The following NYNRIN variants were observed in gnomAD, a reference collection of about 807,000 sequenced individuals.
NYNRIN encodes NYN domain and retroviral integrase containing.
NYNRIN carries 86 observed loss-of-function variants against 146.6 expected under a neutral mutation model. The observed-to-expected ratio is 0.59, with a 90% confidence interval of 0.49 to 0.70. The LOEUF is 0.70. NYNRIN is among the 30% of genes least tolerant of loss of function. NYNRIN has a pLI of 0.00. For synonymous variants in NYNRIN, 1,027 were observed against 1,001.3 expected, an observed-to-expected ratio of 1.03 and a Z score of -0.48; for missense variants, 2,191 against 2,377.7, an observed-to-expected ratio of 0.92 and a Z score of 1.63.
rs1030125007 is a variant in NYNRIN at position 24,417,274 on chromosome 14, G to A, written c.5525G>A (p.Ser1842Asn). The change falls in exon 9 of 9, where the codon AGC becomes AAC. Residue 1842 changes from serine to asparagine, a missense_variant. Physicochemically the swap from Ser to Asn is conservative, Grantham distance 46. Coordinates refer to ENST00000382554, the MANE Select transcript of NYNRIN (RefSeq NM_025081.3). ...VLLLSLPRNG[S>N]SAKWVGPFYI... ...TTGCTGTCCCTCCCCAGGAATGGCA[G>A]CAGTGCCAAATGGGTGGGTCCCTTC... is the stretch of plus-strand genomic sequence containing the variant. 5 of 1,614,028 alleles carry A rather than the reference G, an allele frequency of 3.1e-6. No homozygotes were observed. The South Asian group carries it at 5.5e-5, about 18-fold the overall frequency.
Position 24,405,022 on chromosome 14 carries a change from GTGTGTGAGAGAA to G in NYNRIN, c.199-2840_199-2829del, listed in dbSNP as rs1478552715. On this transcript the variant is annotated intron_variant, in intron 2 of 8. Transcript: ENST00000382554. ...TGTGTGTGTGTGTGTGTGTGTGTGTGTGTGTGAGAGAATGTGTGTGTGTGAATGTGTGTGAAT... is the reference window on the plus strand; with the variant it reads ...TGTGTGTGTGTGTGTGTGTGTGTGTGTGTGTGTGTGTGAATGTGTGTGAAT... Among the ~76,000 whole-genome samples the G allele has an allele frequency of 4.9e-4, 9 of 18,470 alleles. No individual in the cohort carries two copies. In the South Asian group the frequency reaches 6.6e-3, roughly 13 times the overall value. The allele number at this position is 18,470 out of a possible 152,430, so 12.1% of individuals were successfully genotyped here. A position where few individuals can be genotyped will look rare whatever the true frequency, so the allele number is the denominator to read the frequency against.
In NYNRIN at chr14:24,418,171, C is replaced by T. The variant is rs1159509487; in HGVS notation, c.*725C>T. 2.3e-6 allele frequency: 1 copy of T among 435,124 alleles called. No homozygotes were observed. The highest frequency in any genetic ancestry group is 4.6e-6 in the Non-Finnish European group (1 of 217,040). 27.0% of individuals were successfully genotyped at this position (435,124 alleles called of 1,614,324 possible). A position where few individuals can be genotyped will look rare whatever the true frequency, so the allele number is the denominator to read the frequency against. On this transcript the variant is annotated 3_prime_UTR_variant, in exon 9 of 9. Transcript: ENST00000382554. ...GTTGGCCTACCTCATTTGACTCCAG[C>T]CAATGGAGACAATTCCTGACCCCTG...
Position 24,411,824 on chromosome 14 carries a change from C to A in NYNRIN, c.2642+374C>A, listed in dbSNP as rs1351154531. On this transcript the variant is annotated intron_variant, in intron 6 of 8. Coordinates refer to ENST00000382554, the MANE Select transcript of NYNRIN (RefSeq NM_025081.3). The surrounding 1 kb of genome is among the most constrained non-coding windows in gnomAD (Gnocchi z 4.3). ...GCTTTAGTCTTTTCCTCCCTCGGAGCCCCGGCACTGGTGGAGGTCTGTGCA... is the reference window on the plus strand; with the variant it reads ...GCTTTAGTCTTTTCCTCCCTCGGAGACCCGGCACTGGTGGAGGTCTGTGCA... 6.6e-6 allele frequency among the ~76,000 whole-genome samples: 1 copy of A among 152,192 alleles called. No homozygotes were observed. The highest frequency in any genetic ancestry group is 1.5e-5 in the Non-Finnish European group (1 of 68,032).
Position 24,411,339 on chromosome 14 carries a change from GC to G in NYNRIN, c.2546-13del. ...CCTCCCTTGACCATTTCTGTCTTCTGCCTTTCACCCCCAGAGAGCCACTTTC... is the reference window on the plus strand; with the variant it reads ...CCTCCCTTGACCATTTCTGTCTTCTGCTTTCACCCCCAGAGAGCCACTTTC... On this transcript the variant is annotated splice_polypyrimidine_tract_variant and intron_variant, in intron 5 of 8. Coordinates refer to ENST00000382554, the MANE Select transcript of NYNRIN (RefSeq NM_025081.3). This position sits in a 1 kb window ranked among gnomAD's most constrained non-coding sequence, Gnocchi z 4.3. 6.2e-7 allele frequency: 1 copy of G among 1,613,728 alleles called. No homozygotes were observed. Among genetic ancestry groups the G allele is most frequent in the South Asian group, 1.1e-5 (1 of 91,074 alleles).
chr14:24,413,266 G>C (rs1270213835), intron 7 of NYNRIN, 50 bp from the exon 8 acceptor site: 14 of 1,541,816 alleles, frequency 9.1e-6, no homozygotes, highest in Non-Finnish European at 1.2e-5. Context: ...ACAGGGTGTG[G>C]GTGGGTCAAG....
intron 2 of NYNRIN, 55 bp downstream of exon 2, chr14:24,399,499 C>T: frequency 6.8e-7 from 1 of 1,472,716 alleles, no homozygotes; most frequent in Admixed American, 2.0e-5. Context: ...CACTCTCTCC[C>T]CTTCCCCTGG....
chr14:24,402,583 G>A (rs766768486), intron 2 of NYNRIN, among the ~76,000 whole-genome samples: 2 of 152,086 alleles, frequency 1.3e-5, no homozygotes, highest in African/African-American at 4.8e-5. Context: ...AGTTGGTTGC[G>A]GTCAGTGCCT....
At chr14:24,410,759 G>A (rs544164169) in intron 4 of NYNRIN, among the ~76,000 whole-genome samples, 23 of 152,338 alleles carry the variant, frequency 1.5e-4, no homozygotes, top group African/African-American at 5.3e-4. Flanking sequence ...GGTGGCCAGG[G>A]AATTTTTGTT....
At chr14:24,405,266 T>C (rs1156607913) in intron 2 of NYNRIN, among the ~76,000 whole-genome samples, 1 of 152,176 alleles carries the variant, frequency 6.6e-6, no homozygotes, top group Non-Finnish European at 1.5e-5. Flanking sequence ...AACTGACTTA[T>C]GAGAAAGGAG....
At chr14:24,403,553 T>G (rs1342418077) in intron 2 of NYNRIN, among the ~76,000 whole-genome samples, 1 of 152,268 alleles carries the variant, frequency 6.6e-6, no homozygotes, top group Non-Finnish European at 1.5e-5. Context: ...GCAAAGTGTA[T>G]GCAGATGCCT....
rs2042893489 is a variant in NYNRIN at position 24,409,032 on chromosome 14, A to T, written c.1238A>T (p.Asn413Ile). ...KLPGQNPLPL[N>I]LEWKQKELAP... ...CCAGGGCAGAATCCTTTGCCCTTAA[A>T]TCTGGAGTGGAAGCAGAAGGAGCTG... Residue 413 changes from asparagine to isoleucine, a missense_variant, in exon 4 of 9, where the codon AAT becomes ATT. Around this residue, in one of 3 missense-constraint regions of NYNRIN, gnomAD observed 895 missense variants for 941.2 expected, o/e 0.95. Transcript: ENST00000382554. 5.6e-6 allele frequency: 9 copies of T among 1,613,440 alleles called. No individual in the cohort carries two copies. Among genetic ancestry groups the T allele is most frequent in the Non-Finnish European group, 7.6e-6 (9 of 1,179,680 alleles).
At position 24,415,872 on chromosome 14, in the gene NYNRIN, C is replaced by G. The variant is rs1172024548; in HGVS notation, c.4123C>G (p.Leu1375Val). The change falls in exon 9 of 9, where the codon CTC becomes GTC. Residue 1375 changes from leucine to valine, a missense_variant. Around this residue, in one of 3 missense-constraint regions of NYNRIN, gnomAD observed 1,291 missense variants for 1,417.0 expected, o/e 0.91. Transcript: ENST00000382554. Reference protein sequence around the residue: ...FGQSPLPVVFLTHCNWIFSLL... With the variant: ...FGQSPLPVVFVTHCNWIFSLL... ...CCAGTCCCCACTCCCAGTGGTTTTC[C>G]TCACTCACTGCAACTGGATCTTCAG... 2 of 1,614,004 alleles carry G rather than the reference C, an allele frequency of 1.2e-6. No individual in the cohort carries two copies. The highest frequency in any genetic ancestry group is 2.2e-5 in the South Asian group (2 of 91,090).
rs2042939926 is a variant in NYNRIN, at chr14:24,415,627, G to A, written c.3878G>A (p.Arg1293His). The A allele has an allele frequency of 2.4e-5, 38 of 1,613,826 alleles. No homozygotes were observed. The highest frequency in any genetic ancestry group is 1.6e-4 in the East Asian group (7 of 44,876). Reference sequence around the variant, plus strand: ...CTCACCCCCGCGGCCTCCATGCCTCGCTTCTTCCAGGTTCTGCCGCCTTTC... The same window carrying A: ...CTCACCCCCGCGGCCTCCATGCCTCACTTCTTCCAGGTTCTGCCGCCTTTC... The part of the protein sequence containing the change: ...RLLTPAASMP[R>H]FFQVLPPFSD... Residue 1293 changes from arginine (R) to histidine (H), a missense_variant, in exon 9 of 9, where the codon CGC becomes CAC. Physicochemically the swap from Arg to His is conservative, Grantham distance 29. This residue lies in a region of NYNRIN where 1,291 missense variants were observed against 1,417.0 expected (regional missense o/e 0.91). Transcript: ENST00000382554.
chr14:24,412,413 T>C (rs1213749087), intron 6 of NYNRIN, among the ~76,000 whole-genome samples: 7 of 152,202 alleles, frequency 4.6e-5, no homozygotes, highest in Admixed American at 6.5e-5. Context: ...GGAGAGGTGA[T>C]CCTTGGAAAA....
At position 24,408,448 on chromosome 14, in the gene NYNRIN, A is replaced by C; in HGVS notation, c.778A>C (p.Arg260=). 1 of 1,612,644 alleles carries C rather than the reference A, an allele frequency of 6.2e-7. No homozygotes were observed. The highest frequency in any genetic ancestry group is 8.5e-7 in the Non-Finnish European group (1 of 1,179,314). Residue 260 remains arginine, a synonymous_variant, in exon 3 of 9, where the codon AGA becomes CGA. Transcript: ENST00000382554. The stretch of plus-strand genomic sequence containing the variant: ...GAACAGGGGCCCAGAAAATTCAAAG[A>C]GATTATCTAGCCTGGGAGCCACTGG... The part of the protein sequence containing the change: ...LQNRGPENSK[R]LSSLGATGSL...
chr14:24,412,739 A>G (rs551646184), intron 6 of NYNRIN: 2 of 379,466 alleles, frequency 5.3e-6, no homozygotes, highest in Admixed American at 9.2e-5. Flanking sequence ...TATGCGTATA[A>G]CAGGGGTGTG....
rs1219797290 is a variant in NYNRIN, at chr14:24,417,367, G to T, written c.5618G>T (p.Gly1873Val). The T allele has an allele frequency of 3.1e-6, 5 of 1,592,954 alleles. No individual in the cohort carries two copies. Among genetic ancestry groups the T allele is most frequent in the Non-Finnish European group, 2.6e-6 (3 of 1,168,328 alleles). Residue 1873 changes from glycine (G) to valine (V), a missense_variant, in exon 9 of 9, where the codon GGG becomes GTG. This residue lies in a region of NYNRIN where 1,291 missense variants were observed against 1,417.0 expected (regional missense o/e 0.91). Transcript: ENST00000382554. ...GGCTTCCCAACCCCAGAGAAGCTGG[G>T]GTGCATCTATCCCAGCAGTCTGATG... Reference protein sequence around the residue: ...IWGFPTPEKLGCIYPSSLMKA... With the variant: ...IWGFPTPEKLVCIYPSSLMKA...
chr14:24,413,229 T>C, intron 7 of NYNRIN, 87 bp from the exon 8 acceptor site: 2 of 1,407,752 alleles, frequency 1.4e-6, no homozygotes, highest in Non-Finnish European at 2.0e-6. Flanking sequence ...GATGTGGGTC[T>C]CAGCGCCATG....
rs796469381 is a variant in NYNRIN, at chr14:24,417,586, T to C, written c.*140T>C. The C allele has an allele frequency of 2.2e-4, 271 of 1,218,394 alleles. No individual in the cohort carries two copies. In the African/African-American group the frequency reaches 3.9e-3, roughly 18 times the overall value. The allele number at this position is 1,218,394 out of a possible 1,614,324, so 75.5% of individuals were successfully genotyped here. On this transcript the variant is annotated 3_prime_UTR_variant, in exon 9 of 9. Transcript: ENST00000382554. ...GAGAACTTGCTTCATAAAGCTTTGC[T>C]GAATTGCCTTGAACTAGGGACCAGC...
Sources: allele counts gnomAD v4.1 joint callset (sites outside exome capture counted in the v4.1 genomes callset), GRCh38; gene constraint gnomAD v4.1.1; regional missense constraint gnomAD v4.1.1; non-coding constraint Gnocchi (gnomAD v3.1); transcripts MANE v1.5; gene names NCBI Gene and HGNC (gene_info 2026-07-23, HGNC 2026-07-21).